BAZ2A: variants seen among roughly 807,000 people sequenced by gnomAD.
BAZ2A encodes bromodomain adjacent to zinc finger domain protein 2A.
A neutral mutation model predicts 199.9 loss-of-function variants in BAZ2A; 34 were observed. The ratio of observed to expected loss-of-function variants is 0.17; its 90% CI spans 0.13 to 0.23. BAZ2A has a LOEUF of 0.23. BAZ2A is among the 10% of genes least tolerant of loss of function. The probability of loss-of-function intolerance (pLI) is 1.00; values close to 1 mark genes in which losing one functional copy is unlikely to be tolerated. For synonymous variants in BAZ2A, 857 were observed against 883.9 expected (o/e 0.97, Z 0.54); for missense variants, 2,002 against 2,391.1 (o/e 0.84, Z 3.39).
In BAZ2A at chr12:56,617,406, T is replaced by G; in HGVS notation, c.125A>C (p.Gln42Pro). 6.2e-7 allele frequency: 1 copy of G among 1,601,114 alleles called. No homozygotes were observed. Among genetic ancestry groups the G allele is most frequent in the Non-Finnish European group, 8.5e-7 (1 of 1,173,944 alleles). The change falls in exon 2 of 29, where the codon CAG (glutamine) becomes CCG (proline). Residue 42 changes from glutamine (Q) to proline (P), a missense_variant. Coordinates refer to ENST00000549884, the MANE Select transcript of BAZ2A (RefSeq NM_001300905.2). ...GCCCTCACACTCACTTTTCCCTTGC[T>G]GGGGGAAGTTCATGGGAGACCCGTT... The part of the protein sequence containing the change: ...YTNGSPMNFP[Q>P]QGKSLNGDVN...
Position 56,623,656 on chromosome 12 carries a change from G to A in BAZ2A, c.-2-6124C>T, listed in dbSNP as rs77630091. On this transcript the variant is annotated intron_variant, in intron 1 of 28. Coordinates refer to ENST00000549884, the MANE Select transcript of BAZ2A (RefSeq NM_001300905.2). ...TTCTCATCAGGGGCAATTCTGCCCC[G>A]TAGGGGACATTTAGTAATCTCTGAA... 3.6e-4 allele frequency among the ~76,000 whole-genome samples: 55 copies of A among 152,170 alleles called. 3 individuals are homozygous for A. In the East Asian group the frequency reaches 8.9e-3, roughly 25 times the overall value.
upstream of BAZ2A, among the ~76,000 whole-genome samples, chr12:56,631,450 C>CAAAAA (rs529753732): frequency 3.7e-5 from 3 of 81,582 alleles, no homozygotes; most frequent in Non-Finnish European, 4.9e-5. Context: ...GACTCTATCT[C>CAAAAA]AAAAAAAAAA....
chr12:56,615,815 G>A (rs915377263), intron 2 of BAZ2A, among the ~76,000 whole-genome samples: 1 of 152,174 alleles, frequency 6.6e-6, no homozygotes, highest in Non-Finnish European at 1.5e-5. Context: ...CTGAGGCTGA[G>A]TAGGGGGCTA....
chr12:56,607,528 C>T (rs1382982879), intron 10 of BAZ2A, among the ~76,000 whole-genome samples: 2 of 152,116 alleles, frequency 1.3e-5, no homozygotes, highest in African/African-American at 4.8e-5. Flanking sequence ...CGTGCCACCA[C>T]GCCCAGTTAA....
chr12:56,633,311 C>T (rs1300117127), upstream of BAZ2A, among the ~76,000 whole-genome samples: 1 of 152,062 alleles, frequency 6.6e-6, no homozygotes, highest in African/African-American at 2.4e-5. Context: ...ACCAGATACT[C>T]CTGGCATCCA....
chr12:56,625,438 AGCCACCGT>A (rs1951057888), intron 1 of BAZ2A, among the ~76,000 whole-genome samples: 1 of 151,892 alleles, frequency 6.6e-6, no homozygotes, highest in Admixed American at 6.6e-5. Context: ...CTGCAGGCTG[AGCCACCGT>A]GCCCAGCCAG....
At chr12:56,617,990 C>G (rs950900025) in intron 1 of BAZ2A, among the ~76,000 whole-genome samples, 2 of 152,174 alleles carry the variant, frequency 1.3e-5, no homozygotes, top group African/African-American at 4.8e-5. Context: ...TTGATAAACA[C>G]TCTTTGTTTC....
In BAZ2A at chr12:56,615,353, G is replaced by C. The variant is rs558059320; in HGVS notation, c.391C>G (p.Pro131Ala). The C allele has an allele frequency of 3.7e-6, 6 of 1,613,730 alleles. No individual in the cohort carries two copies. In the African/African-American group the frequency reaches 5.3e-5, roughly 14 times the overall value. Reference sequence around the variant, plus strand: ...TTAGTGTTATGACTTGGGGATGAAGGTTGCCGGCTGCCCCCAAGGATGCCG... The same window carrying C: ...TTAGTGTTATGACTTGGGGATGAAGCTTGCCGGCTGCCCCCAAGGATGCCG... ...LNGILGGSRQ[P>A]SSPSHNTNLR... The change falls in exon 3 of 29, where the codon CCT (proline) becomes GCT (alanine). Residue 131 changes from proline (P) to alanine (A), a missense_variant. This residue lies in a region of BAZ2A where 641 missense variants were observed against 694.5 expected (regional missense o/e 0.92). Coordinates refer to ENST00000549884, the MANE Select transcript of BAZ2A (RefSeq NM_001300905.2).
chr12:56,614,773 C>G (rs1294644056), intron 3 of BAZ2A, among the ~76,000 whole-genome samples: 2 of 152,206 alleles, frequency 1.3e-5, no homozygotes, highest in Non-Finnish European at 2.9e-5. Flanking sequence ...GCTCGCCCAC[C>G]TGCCCTCTCC....
chr12:56,635,648 G>A lies in BAZ2A; in HGVS notation c.4+534C>T, dbSNP rs139572098. On this transcript the variant is annotated intron_variant, in intron 1 of 29. Transcript: ENST00000379441. The surrounding 1 kb of genome is among the most constrained non-coding windows in gnomAD (Gnocchi z 4.1). ...GACCATGAGAATCGACTTTGGTTCA[G>A]TTTTCCCCCAACCACCACCACCCTT... Among the ~76,000 whole-genome samples the A allele has an allele frequency of 2.5e-3, 376 of 152,272 alleles. No individual in the cohort carries two copies. The highest frequency in any genetic ancestry group is 9.0e-3 in the African/African-American group (372 of 41,544).
intron 1 of BAZ2A, among the ~76,000 whole-genome samples, chr12:56,628,576 C>T (rs974131447): frequency 4.6e-5 from 7 of 152,114 alleles, no homozygotes; most frequent in East Asian, 1.9e-4. Context: ...CAGGGGCTGC[C>T]CTTAGGCTAG....
At chr12:56,617,641 TCCTA>T (rs1950766330) in intron 1 of BAZ2A, 109 bp from the exon 2 acceptor site, 2 of 1,240,272 alleles carry the variant, frequency 1.6e-6, no homozygotes, top group Admixed American at 5.3e-5. Flanking sequence ...CTTACCCTTC[TCCTA>T]CCTAAGTACT....
rs1265668194 is a variant in BAZ2A, at chr12:56,606,623, T to C, written c.2193+10A>G. The C allele has an allele frequency of 3.7e-6, 6 of 1,608,948 alleles. No individual in the cohort carries two copies. The highest frequency in any genetic ancestry group is 5.1e-6 in the Non-Finnish European group (6 of 1,175,410). On this transcript the variant is annotated intron_variant, in intron 11 of 28. Transcript: ENST00000549884. ...TTAACCTACTGTTTCATCTCTCTGA[T>C]GTCCCTCACCTGCCCTTGGATAGTA...
upstream of BAZ2A, among the ~76,000 whole-genome samples, chr12:56,637,703 C>T (rs1351660723): frequency 2.0e-5 from 3 of 150,670 alleles, no homozygotes; most frequent in African/African-American, 7.4e-5. Context: ...GAGTTTTTCC[C>T]AATATGCCCT....
chr12:56,636,182 C>G, exon 1 of BAZ2A: 1 of 1,595,270 alleles, frequency 6.3e-7, no homozygotes, highest in Non-Finnish European at 8.5e-7. Context: ...CCATACTCAC[C>G]CATGTCAGGC....
At position 56,605,751 on chromosome 12, in the gene BAZ2A, C is replaced by T. The variant is rs552918307; in HGVS notation, c.2493+79G>A. 1.8e-4 allele frequency: 249 copies of T among 1,374,590 alleles called. 2 individuals carry two copies. The South Asian group carries it at 3.2e-3, about 18-fold the overall frequency. 85.1% of individuals were successfully genotyped at this position (1,374,590 alleles called of 1,614,324 possible). A position where few individuals can be genotyped will look rare whatever the true frequency, so the allele number is the denominator to read the frequency against. Reference sequence around the variant, plus strand: ...TTAATCTTTAATGGAAATGTCTCTCCCATTGCAGAAGTCCTTTTTTTTTTT... The same window carrying T: ...TTAATCTTTAATGGAAATGTCTCTCTCATTGCAGAAGTCCTTTTTTTTTTT... On this transcript the variant is annotated intron_variant, in intron 13 of 28. Coordinates refer to ENST00000549884, the MANE Select transcript of BAZ2A (RefSeq NM_001300905.2).
At position 56,597,616 on chromosome 12, in the gene BAZ2A, CACACA is replaced by C. The variant is rs1885952985; in HGVS notation, c.*997_*1001del. On this transcript the variant is annotated 3_prime_UTR_variant, in exon 29 of 29. Transcript: ENST00000549884. ...TCTGAGGCTGACACACACACACACA[CACACA>C]GCGCGCTCTGAGGCCGACACACACA... 7.5e-6 allele frequency: 1 copy of C among 133,866 alleles called. No homozygotes were observed. Among genetic ancestry groups the C allele is most frequent in the African/African-American group, 3.5e-5 (1 of 28,938 alleles). The allele number at this position is 133,866 out of a possible 1,614,324, so 8.3% of individuals were successfully genotyped here. A position where few individuals can be genotyped will look rare whatever the true frequency, so the allele number is the denominator to read the frequency against.
intron 1 of BAZ2A, among the ~76,000 whole-genome samples, chr12:56,629,647 T>C (rs370085559): frequency 2.6e-5 from 4 of 152,126 alleles, no homozygotes. Context: ...CTCAGACCCC[T>C]GGAAACCCCT....
At position 56,605,085 on chromosome 12, in the gene BAZ2A, G is replaced by A. The variant is rs1205470444; in HGVS notation, c.2736C>T (p.Pro912=). The A allele has an allele frequency of 6.2e-7, 1 of 1,605,942 alleles. No homozygotes were observed. The highest frequency in any genetic ancestry group is 2.2e-5 in the East Asian group (1 of 44,722). ...LKAALHDPGF[P]SYCQSLKILG... ...GACTTGCACTCACCTGACAGTAGGA[G>A]GGAAAGCCAGGATCATGGAGTGCAG... Residue 912 remains proline (P), a synonymous_variant, in exon 14 of 29, where the codon CCC becomes CCT. Coordinates refer to ENST00000549884, the MANE Select transcript of BAZ2A (RefSeq NM_001300905.2).
Sources: gnomAD v4.1 joint callset for allele counts (sites outside exome capture counted in the v4.1 genomes callset) on GRCh38, gnomAD v4.1.1 for gene constraint, gnomAD v4.1.1 regional missense constraint, Gnocchi (gnomAD v3.1) non-coding constraint, MANE v1.5 for transcripts, NCBI Gene and HGNC (gene_info 2026-07-23, HGNC 2026-07-21) for gene names.